PCDHGA1: variants seen among roughly 807,000 people sequenced by gnomAD.
PCDHGA1 encodes the protein protocadherin gamma-A1.
In PCDHGA1, 32 loss-of-function variants were observed where a neutral mutation model predicts 58.0. The ratio of observed to expected loss-of-function variants is 0.55; its 90% CI spans 0.42 to 0.74. The LOEUF (loss-of-function observed/expected upper bound fraction) is 0.74. PCDHGA1 is among the 30% of genes least tolerant of loss of function. The pLI is 0.00. For synonymous variants in PCDHGA1, 498 were observed against 501.1 expected, an observed-to-expected ratio of 0.99 and a Z score of 0.08; for missense variants, 1,205 against 1,182.3, an observed-to-expected ratio of 1.02 and a Z score of -0.28.
At chr5:141,352,076 C>A (rs772864846) in intron 1 of PCDHGA1, 2 of 1,604,976 alleles carry the variant, frequency 1.2e-6, no homozygotes, top group Non-Finnish European at 8.5e-7. Flanking sequence ...CCACGTGCTG[C>A]AGGCCAGCGA....
Position 141,330,683 on chromosome 5 carries a change from C to A in PCDHGA1, c.-2C>A. On this transcript the variant is annotated 5_prime_UTR_variant, in exon 1 of 4. Coordinates refer to ENST00000517417, the MANE Select transcript of PCDHGA1 (RefSeq NM_018912.3). ...GGAAGAAAACTACGAAGTGAGAGAG[C>A]CATGAAGATTCAGAAAAAGCTGACT... 1 of 1,602,106 alleles carries A rather than the reference C, an allele frequency of 6.2e-7. No homozygotes were observed. The highest frequency in any genetic ancestry group is 1.7e-5 in the Admixed American group (1 of 59,184).
At chr5:141,412,509 A>G (rs1452202369) in intron 1 of PCDHGA1, 2 of 152,208 alleles carry the variant, frequency 1.3e-5, no homozygotes, top group Admixed American at 1.3e-4. Flanking sequence ...AATAAGTTTA[A>G]TGAATTAAGT....
In PCDHGA1 at chr5:141,334,512, G is replaced by C. The variant is rs1756519967; in HGVS notation, c.2421+1407G>C. ...GGCGGGGCGGGGCAGGAGCTGACGT[G>C]GGAGGATCCCTTGAGCCCAGGAAGT... On this transcript the variant is annotated intron_variant, in intron 1 of 3. Coordinates refer to ENST00000517417, the MANE Select transcript of PCDHGA1 (RefSeq NM_018912.3). The surrounding 1 kb of genome is among the most constrained non-coding windows in gnomAD (Gnocchi z 4.6). 6.6e-6 allele frequency: 1 copy of C among 152,418 alleles called. No individual in the cohort carries two copies. Among genetic ancestry groups the C allele is most frequent in the Non-Finnish European group, 1.5e-5 (1 of 68,120 alleles). The allele number at this position is 152,418 out of a possible 1,614,324, so 9.4% of individuals were successfully genotyped here.
Position 141,332,823 on chromosome 5 carries a change from G to T in PCDHGA1, c.2139G>T (p.Ala713=), listed in dbSNP as rs1231893294. 4 of 1,614,100 alleles carry T rather than the reference G, an allele frequency of 2.5e-6. No homozygotes were observed. The highest frequency in any genetic ancestry group is 1.6e-4 in the Middle Eastern group (1 of 6,080). ...VFLAFVIVLL[A]HRLRRWHKSR... is the part of the protein sequence containing the mutation. ...TGGCCTTCGTCATCGTGCTGCTGGC[G>T]CACAGGCTGCGGCGCTGGCACAAGT... Residue 713 remains alanine (A), a synonymous_variant, in exon 1 of 4, where the codon GCG becomes GCT. Coordinates refer to ENST00000517417, the MANE Select transcript of PCDHGA1 (RefSeq NM_018912.3). This position sits in a 1 kb window ranked among gnomAD's most constrained non-coding sequence, Gnocchi z 4.6.
chr5:141,456,984 C>G (rs374156327), intron 1 of PCDHGA1, among the ~76,000 whole-genome samples: 1 of 152,200 alleles, frequency 6.6e-6, no homozygotes, highest in East Asian at 1.9e-4. Flanking sequence ...AACAAACAAA[C>G]AAACAAAAAC....
At chr5:141,420,027 C>T in intron 1 of PCDHGA1, 3 of 1,614,082 alleles carry the variant, frequency 1.9e-6, no homozygotes, top group Non-Finnish European at 2.5e-6. Flanking sequence ...AGCCCTACTG[C>T]AGGAGACTGC....
intron 1 of PCDHGA1, chr5:141,394,811 C>T (rs1225635250): frequency 6.2e-7 from 1 of 1,613,888 alleles, no homozygotes; most frequent in African/African-American, 1.3e-5. Flanking sequence ...CCGTGGCTGA[C>T]AGCATCCCCG....
intron 1 of PCDHGA1, chr5:141,422,658 C>T (rs2096662185): frequency 6.2e-7 from 1 of 1,609,912 alleles, no homozygotes; most frequent in Non-Finnish European, 8.5e-7. Context: ...CAGTGACCGC[C>T]CTCGACCCGG....
rs2099417434 is a variant in PCDHGA1, at chr5:141,477,762, C to T, written c.2422-17045C>T. 1 of 1,613,968 alleles carries T rather than the reference C, an allele frequency of 6.2e-7. No homozygotes were observed. The highest frequency in any genetic ancestry group is 8.5e-7 in the Non-Finnish European group (1 of 1,180,032). On this transcript the variant is annotated intron_variant, in intron 1 of 3. Transcript: ENST00000517417. This position sits in a 1 kb window ranked among gnomAD's most constrained non-coding sequence, Gnocchi z 4.9. ...GATGGGGGCACCCCGGTCCTAGCCA[C>T]CAACATCAGCGTGAACATATTTGTC...
At chr5:141,366,692 A>C (rs777934534) in intron 1 of PCDHGA1, 1 of 1,614,256 alleles carries the variant, frequency 6.2e-7, no homozygotes, top group Non-Finnish European at 8.5e-7. Flanking sequence ...CTGTGAGAAA[A>C]GCGAGCCTCT....
At chr5:141,365,764 CCCCG>C (rs1764103284) in intron 1 of PCDHGA1, 3 of 1,613,772 alleles carry the variant, frequency 1.9e-6, no homozygotes, top group Middle Eastern at 3.3e-4. Context: ...CAGCCCATGA[CCCCG>C]ACAGCGGCGA....
intron 1 of PCDHGA1, chr5:141,403,769 A>G (rs2094453064): frequency 6.2e-7 from 1 of 1,613,948 alleles, no homozygotes; most frequent in Non-Finnish European, 8.5e-7. Context: ...GGATGAGGGA[A>G]TCAACGGAAA....
intron 2 of PCDHGA1, among the ~76,000 whole-genome samples, chr5:141,500,416 A>G: frequency 6.6e-6 from 1 of 151,634 alleles, no homozygotes; most frequent in East Asian, 2.0e-4. Flanking sequence ...TCACCGTGTT[A>G]GCCAGGATGG....
In PCDHGA1 at chr5:141,387,468, A is replaced by G. The variant is rs190489292; in HGVS notation, c.2421+54363A>G. On this transcript the variant is annotated intron_variant, in intron 1 of 3. Transcript: ENST00000517417. ...TACATGATTTGCCTAAAAATCCTCA[A>G]AGTTGGGATGAAGGCATTCCTAAGA... Among the ~76,000 whole-genome samples the G allele has an allele frequency of 3.6e-3, 554 of 152,350 alleles. 1 individual carries two copies. Among genetic ancestry groups the G allele is most frequent in the Non-Finnish European group, 6.0e-3 (405 of 68,034 alleles).
At chr5:141,422,705 C>T (rs371027437) in intron 1 of PCDHGA1, 2 of 1,602,706 alleles carry the variant, frequency 1.2e-6, no homozygotes, top group South Asian at 1.1e-5. Context: ...TACTCTCTGA[C>T]GGATGACACT....
intron 1 of PCDHGA1, among the ~76,000 whole-genome samples, chr5:141,359,329 C>T (rs1425381791): frequency 6.6e-6 from 1 of 151,992 alleles, no homozygotes; most frequent in Middle Eastern, 3.4e-3. Context: ...GGAATATATT[C>T]CAGAATGAGA....
At chr5:141,414,270 T>G in intron 1 of PCDHGA1, 1 of 1,613,476 alleles carries the variant, frequency 6.2e-7, no homozygotes, top group Non-Finnish European at 8.5e-7. Context: ...AAGATTCACC[T>G]CTGGGAACAG....
chr5:141,394,475 C>T (rs1205262995), intron 1 of PCDHGA1: 1 of 1,614,242 alleles, frequency 6.2e-7, no homozygotes, highest in South Asian at 1.1e-5. Context: ...TCGTGCTGGA[C>T]CAGAATGACA....
At chr5:141,352,144 G>C in intron 1 of PCDHGA1, 2 of 1,612,258 alleles carry the variant, frequency 1.2e-6, no homozygotes, top group Non-Finnish European at 1.7e-6. Context: ...CGCGTGCCTT[G>C]GGCGACAGGG....
Sources: gnomAD v4.1 joint callset for allele counts (sites outside exome capture counted in the v4.1 genomes callset) on GRCh38, gnomAD v4.1.1 for gene constraint, Gnocchi (gnomAD v3.1) non-coding constraint, MANE v1.5 for transcripts, NCBI Gene and HGNC (gene_info 2026-07-23, HGNC 2026-07-21) for gene names.